HPSE2: variants seen among roughly 807,000 people sequenced by gnomAD.
The protein encoded by HPSE2 is heparanase 2 (inactive), also known as inactive heparanase-2.
In HPSE2, 38 loss-of-function variants were observed where a neutral mutation model predicts 60.5. The ratio of observed to expected loss-of-function variants is 0.63; its 90% confidence interval spans 0.48 to 0.82. HPSE2 has a LOEUF of 0.82. Among genes scored for constraint, HPSE2 ranks in the 40% least tolerant of loss-of-function variants. The probability of loss-of-function intolerance (pLI) is 0.00; values close to 1 mark genes in which losing one functional copy is unlikely to be tolerated. For synonymous variants in HPSE2, 295 were observed against 293.2 expected, an observed-to-expected ratio of 1.01 and a Z score of -0.06; for missense variants, 713 against 740.4, an observed-to-expected ratio of 0.96 and a Z score of 0.43.
rs1439837237 is a variant in HPSE2 at position 99,226,429 on chromosome 10, G to T, written c.448+5919C>A. The stretch of plus-strand genomic sequence containing the variant: ...GTATCTTTTGAAGAATACAAGTCAG[G>T]TATCTTGTAGAGTATCCTTCAGTTT... On this transcript the variant is annotated intron_variant, in intron 2 of 11. Coordinates refer to ENST00000370552, the MANE Select transcript of HPSE2 (RefSeq NM_021828.5). Among the ~76,000 whole-genome samples the T allele has an allele frequency of 2.0e-5, 3 of 152,136 alleles. No individual in the cohort carries two copies. In the East Asian group the frequency reaches 5.8e-4, roughly 29 times the overall value.
intron 9 of HPSE2, among the ~76,000 whole-genome samples, chr10:98,498,912 AG>A (rs1941938708): frequency 6.6e-6 from 1 of 152,194 alleles, no homozygotes; most frequent in African/African-American, 2.4e-5. Flanking sequence ...TCAGATCTCA[AG>A]GATAAGGTCT....
Position 99,126,963 on chromosome 10 carries a change from G to A in HPSE2, c.610+17275C>T, listed in dbSNP as rs1032503031. On this transcript the variant is annotated intron_variant, in intron 3 of 11. Transcript: ENST00000370552. This position sits in a 1 kb window ranked among gnomAD's most constrained non-coding sequence, Gnocchi z 4.0. Reference sequence around the variant, plus strand: ...GGGAAGGGGAAGAGCACCACATGAAGGGATCACACCATGGGACAAAAGAAA... The same window carrying A: ...GGGAAGGGGAAGAGCACCACATGAAAGGATCACACCATGGGACAAAAGAAA... 3.3e-5 allele frequency among the ~76,000 whole-genome samples: 5 copies of A among 152,114 alleles called. No individual in the cohort carries two copies. Among genetic ancestry groups the A allele is most frequent in the Non-Finnish European group, 5.9e-5 (4 of 68,036 alleles).
intron 3 of HPSE2, among the ~76,000 whole-genome samples, chr10:98,999,042 A>G (rs1589491557): frequency 6.6e-6 from 1 of 152,188 alleles, no homozygotes; most frequent in Admixed American, 6.5e-5. Context: ...GTTTCTTAGA[A>G]TGACTGAGGT....
At chr10:98,516,375 A>G (rs1291236785) in intron 9 of HPSE2, among the ~76,000 whole-genome samples, 1 of 152,214 alleles carries the variant, frequency 6.6e-6, no homozygotes, top group African/African-American at 2.4e-5. Context: ...GAATGAATGA[A>G]TGTACTAAAA....
intron 3 of HPSE2, among the ~76,000 whole-genome samples, chr10:98,846,719 C>CA (rs1483440186): frequency 2.6e-5 from 4 of 152,154 alleles, no homozygotes; most frequent in African/African-American, 4.8e-5. Context: ...AGACAGCTGC[C>CA]AAAATGCTAT....
chr10:99,309,623 CATTT>C, the HPSE2 span, among the ~76,000 whole-genome samples: 3 of 152,224 alleles, frequency 2.0e-5, no homozygotes, highest in Admixed American at 2.0e-4. Context: ...CATGCTCATT[CATTT>C]ATGTACTGTC....
chr10:98,837,610 C>T (rs1951819252), intron 3 of HPSE2, among the ~76,000 whole-genome samples: 1 of 151,632 alleles, frequency 6.6e-6, no homozygotes, highest in South Asian at 2.1e-4. Flanking sequence ...CGTGGTGGCT[C>T]ACGCCTGTAA....
chr10:98,539,377 CG>C (rs1277915446), intron 9 of HPSE2, among the ~76,000 whole-genome samples: 1 of 152,018 alleles, frequency 6.6e-6, no homozygotes, highest in African/African-American at 2.4e-5. Flanking sequence ...CAACATTAGC[CG>C]GGCGTGGTGG....
chr10:98,700,787 C>T (rs1282470420), intron 5 of HPSE2, among the ~76,000 whole-genome samples: 1 of 67,160 alleles, frequency 1.5e-5, no homozygotes, highest in African/African-American at 3.2e-5. Flanking sequence ...TGAACTCAAA[C>T]AAATTTACAA....
At chr10:98,497,264 T>C (rs1941875200) in intron 9 of HPSE2, among the ~76,000 whole-genome samples, 2 of 152,158 alleles carry the variant, frequency 1.3e-5, no homozygotes, top group Admixed American at 1.3e-4. Context: ...TCATCAACAT[T>C]ACAATGAAAT....
intron 3 of HPSE2, among the ~76,000 whole-genome samples, chr10:99,011,129 G>C (rs1172366708): frequency 3.6e-5 from 3 of 84,402 alleles, no homozygotes; most frequent in Non-Finnish European, 8.0e-5. Flanking sequence ...TTCTGTTCCT[G>C]TGTTAGGTTT....
At chr10:98,470,091 G>C (rs1382111750) in intron 11 of HPSE2, among the ~76,000 whole-genome samples, 2 of 150,482 alleles carry the variant, frequency 1.3e-5, no homozygotes, top group African/African-American at 2.5e-5. Flanking sequence ...GTGAAGACAG[G>C]TAGGAAGGCA....
At chr10:98,778,025 G>A (rs1162131226) in intron 3 of HPSE2, among the ~76,000 whole-genome samples, 2 of 151,942 alleles carry the variant, frequency 1.3e-5, no homozygotes, top group East Asian at 1.9e-4. Context: ...ATTTCTTCTG[G>A]TTTGGCCTTG....
chr10:98,915,745 AAG>A (rs1172389585), intron 3 of HPSE2, among the ~76,000 whole-genome samples: 1 of 152,204 alleles, frequency 6.6e-6, no homozygotes, highest in African/African-American at 2.4e-5. Context: ...AAGAAAAATA[AAG>A]AGAGCAATTT....
chr10:99,129,819 AAAAGAT>A (rs1363015914), intron 3 of HPSE2, among the ~76,000 whole-genome samples: 2 of 151,492 alleles, frequency 1.3e-5, no homozygotes, highest in African/African-American at 4.8e-5. Flanking sequence ...CAAAAAAAAA[AAAAGAT>A]AAAAGAAACA....
chr10:98,553,875 G>T (rs1255529924), intron 9 of HPSE2, among the ~76,000 whole-genome samples: 5 of 152,118 alleles, frequency 3.3e-5, no homozygotes, highest in Non-Finnish European at 7.4e-5. Flanking sequence ...TCTTCAGGTG[G>T]ACAGCCACAT....
intron 3 of HPSE2, among the ~76,000 whole-genome samples, chr10:98,766,644 G>T (rs891448498): frequency 1.3e-4 from 20 of 152,132 alleles, no homozygotes; most frequent in Non-Finnish European, 2.2e-4. Flanking sequence ...AAATCAATGG[G>T]CAGGGTGTGG....
At chr10:98,524,379 A>G (rs1942895546) in intron 9 of HPSE2, among the ~76,000 whole-genome samples, 2 of 152,178 alleles carry the variant, frequency 1.3e-5, no homozygotes, top group South Asian at 4.1e-4. Flanking sequence ...GTGCAAGATA[A>G]GTATGTGTAA....
chr10:99,294,195 A>G, the HPSE2 span, among the ~76,000 whole-genome samples: 1 of 151,812 alleles, frequency 6.6e-6, no homozygotes, highest in Admixed American at 6.6e-5. Context: ...GATGGTGGTA[A>G]AGAGTGCAGA....
Sources: allele counts gnomAD v4.1 joint callset (sites outside exome capture counted in the v4.1 genomes callset), GRCh38; gene constraint gnomAD v4.1.1; non-coding constraint Gnocchi (gnomAD v3.1); transcripts MANE v1.5; gene names NCBI Gene and HGNC (gene_info 2026-07-23, HGNC 2026-07-21).